DCP1B: variants seen among roughly 807,000 people sequenced by gnomAD.
DCP1B encodes the protein mRNA-decapping enzyme 1B.
In DCP1B, 47 loss-of-function variants were observed where a neutral mutation model predicts 60.5. That is an observed-to-expected ratio of 0.78 (90% CI 0.61 to 0.99). DCP1B has a LOEUF of 0.99. Ranked by LOEUF, DCP1B falls within the 50% of genes least tolerant of loss-of-function variation. DCP1B has a pLI of 0.00. For synonymous variants in DCP1B, 267 were observed against 280.3 expected, an observed-to-expected ratio of 0.95 and a Z score of 0.47; for missense variants, 725 against 756.8, an observed-to-expected ratio of 0.96 and a Z score of 0.49.
downstream of DCP1B, among the ~76,000 whole-genome samples, chr12:1,944,203 A>C (rs2030350901): frequency 6.6e-6 from 1 of 152,210 alleles, no homozygotes; most frequent in Admixed American, 6.5e-5. Flanking sequence ...AGATAATAAA[A>C]TACCTAGGAA....
intron 3 of DCP1B, among the ~76,000 whole-genome samples, chr12:1,982,483 T>C (rs2036438082): frequency 6.6e-6 from 1 of 152,172 alleles, no homozygotes; most frequent in Admixed American, 6.5e-5. Context: ...TATTTGTTCT[T>C]TTGTGTCTGG....
At position 1,946,183 on chromosome 12, in the gene DCP1B, A is replaced by T. The variant is rs755052901; in HGVS notation, c.*23T>A. The T allele has an allele frequency of 4.5e-6, 7 of 1,546,328 alleles. No homozygotes were observed. The highest frequency in any genetic ancestry group is 6.1e-6 in the Non-Finnish European group (7 of 1,147,440). Reference sequence around the variant, plus strand: ...CCGGAGTTCTAGAAGGACCTTGAAAATCAGTTTTAAAAGGCCTTGCTGTCA... The same window carrying T: ...CCGGAGTTCTAGAAGGACCTTGAAATTCAGTTTTAAAAGGCCTTGCTGTCA... On this transcript the variant is annotated 3_prime_UTR_variant, in exon 9 of 9. Transcript: ENST00000280665.
In DCP1B at chr12:1,975,862, G is replaced by C. The variant is rs561175612; in HGVS notation, c.320-7952C>G. ...ATATATTCACATGAAGGTTCTCTCC[G>C]TGAGTCCCCTGGCAGTTATGATGGA... is the stretch of plus-strand genomic sequence containing the variant. On this transcript the variant is annotated intron_variant, in intron 3 of 8. Transcript: ENST00000280665. Among the ~76,000 whole-genome samples, 5 of 152,254 alleles carry C rather than the reference G, an allele frequency of 3.3e-5. No homozygotes were observed. In the South Asian group the frequency reaches 1.0e-3, roughly 32 times the overall value.
rs1379953446 is a variant in DCP1B, at chr12:1,993,315, C to G, written c.268G>C (p.Asp90His). The change falls in exon 3 of 9, where the codon GAC becomes CAC. Residue 90 changes from aspartate to histidine, a missense_variant. Transcript: ENST00000280665. The part of the protein sequence containing the change: ...MENRTEPITK[D>H]LDFQLQDPFL... ...GGGTCCTGGAGTTGGAAATCCAAGTCTTTAGTAATAGGTTCTGTCCTATTT... is the reference window on the plus strand; with the variant it reads ...GGGTCCTGGAGTTGGAAATCCAAGTGTTTAGTAATAGGTTCTGTCCTATTT... 6.2e-7 allele frequency: 1 copy of G among 1,614,100 alleles called. No individual in the cohort carries two copies. Among genetic ancestry groups the G allele is most frequent in the East Asian group, 2.2e-5 (1 of 44,866 alleles).
intron 7 of DCP1B, among the ~76,000 whole-genome samples, chr12:1,951,200 G>A (rs565085144): frequency 4.9e-4 from 75 of 152,224 alleles, no homozygotes; most frequent in African/African-American, 1.8e-3. Flanking sequence ...GCCTGAACCC[G>A]GGAGGTGGAG....
intron 3 of DCP1B, among the ~76,000 whole-genome samples, chr12:1,972,421 A>C (rs369790933): frequency 1.3e-5 from 2 of 152,242 alleles, no homozygotes; most frequent in East Asian, 1.9e-4. Flanking sequence ...ATGACTCGTT[A>C]CTAGCATATG....
intron 5 of DCP1B, among the ~76,000 whole-genome samples, chr12:1,960,188 C>T (rs921190985): frequency 6.6e-6 from 1 of 152,140 alleles, no homozygotes; most frequent in Non-Finnish European, 1.5e-5. Flanking sequence ...TGTATAAACA[C>T]AATGGAATAC....
At chr12:1,972,038 G>A (rs1278044933) in intron 3 of DCP1B, among the ~76,000 whole-genome samples, 1 of 152,226 alleles carries the variant, frequency 6.6e-6, no homozygotes, top group Non-Finnish European at 1.5e-5. Context: ...ATTTGGTAAT[G>A]TTCTTTCTAA....
At chr12:1,984,113 T>C (rs1329917185) in intron 3 of DCP1B, among the ~76,000 whole-genome samples, 1 of 152,096 alleles carries the variant, frequency 6.6e-6, no homozygotes, top group Admixed American at 6.5e-5. Flanking sequence ...TTAACCTATC[T>C]ATATTGTTAC....
intron 3 of DCP1B, among the ~76,000 whole-genome samples, chr12:1,987,509 C>T (rs546304968): frequency 6.6e-6 from 1 of 152,304 alleles, no homozygotes; most frequent in East Asian, 1.9e-4. Flanking sequence ...GAACCCTTCT[C>T]TAGTCACTCC....
At chr12:1,991,601 C>T (rs1015837918) in intron 3 of DCP1B, 7 of 222,852 alleles carry the variant, frequency 3.1e-5, no homozygotes, top group Non-Finnish European at 5.3e-5. Flanking sequence ...ACTCACAGTG[C>T]AGCTCCGTTT....
intron 4 of DCP1B, 152 bp downstream of exon 4, chr12:1,967,692 C>T: frequency 1.6e-6 from 1 of 624,756 alleles, no homozygotes; most frequent in Non-Finnish European, 2.7e-6. Context: ...GTCTAATTTT[C>T]ATTTATTAAT....
At chr12:1,950,294 C>T (rs1274274771) in intron 7 of DCP1B, 9 of 702,200 alleles carry the variant, frequency 1.3e-5, no homozygotes, top group Admixed American at 1.0e-4. Flanking sequence ...GTGATGCTCC[C>T]GGAGGTGGAG....
In DCP1B at chr12:1,950,259, A is replaced by T. The variant is rs946476294; in HGVS notation, c.1525-925T>A. 20 of 690,296 alleles carry T rather than the reference A, an allele frequency of 2.9e-5. No homozygotes were observed. The African/African-American group carries it at 3.4e-4, about 12-fold the overall frequency. 42.8% of individuals were successfully genotyped at this position (690,296 alleles called of 1,614,324 possible). A position where few individuals can be genotyped will look rare whatever the true frequency, so the allele number is the denominator to read the frequency against. On this transcript the variant is annotated intron_variant, in intron 7 of 8. Coordinates refer to ENST00000280665, the MANE Select transcript of DCP1B (RefSeq NM_152640.5). The stretch of plus-strand genomic sequence containing the variant: ...GTTTCTTTTAACTTGTCCCTACATG[A>T]CATTTCGAGGAGCGGTGCTGAGCAG...
intron 3 of DCP1B, among the ~76,000 whole-genome samples, chr12:1,977,845 T>C (rs2034901654): frequency 6.6e-6 from 1 of 152,258 alleles, no homozygotes; most frequent in Non-Finnish European, 1.5e-5. Context: ...TATGGGTATA[T>C]ACAGGTACAC....
intron 3 of DCP1B, chr12:1,970,920 C>T (rs551899573): frequency 9.8e-5 from 35 of 356,756 alleles, no homozygotes; most frequent in Middle Eastern, 4.9e-4. Context: ...TGCAGCGATA[C>T]GATACGGCCA....
intron 7 of DCP1B, among the ~76,000 whole-genome samples, chr12:1,952,066 C>A (rs546730164): frequency 3.9e-5 from 6 of 152,346 alleles, no homozygotes; most frequent in Middle Eastern, 6.8e-3. Flanking sequence ...TCAAGATGCA[C>A]GGAGGTGCAC....
chr12:2,000,330 T>A (rs1332426229), intron 1 of DCP1B, among the ~76,000 whole-genome samples: 1 of 152,240 alleles, frequency 6.6e-6, no homozygotes, highest in Non-Finnish European at 1.5e-5. Flanking sequence ...ACTCTCCTGG[T>A]CTTCCAGTAT....
chr12:1,946,843 G>A (rs557713731), intron 8 of DCP1B, among the ~76,000 whole-genome samples: 1 of 152,286 alleles, frequency 6.6e-6, no homozygotes, highest in Admixed American at 6.5e-5. Context: ...AGGGCTACAG[G>A]TGCGTGCTAC....
Sources: allele counts gnomAD v4.1 joint callset (sites outside exome capture counted in the v4.1 genomes callset), GRCh38; gene constraint gnomAD v4.1.1; transcripts MANE v1.5; gene names NCBI Gene and HGNC (gene_info 2026-07-23, HGNC 2026-07-21).